The following KSR2 variants were observed in gnomAD, a reference collection of about 807,000 sequenced individuals.
KSR2 encodes kinase suppressor of ras 2.
A neutral mutation model predicts 107.8 loss-of-function variants in KSR2; 25 were observed. The observed-to-expected ratio is 0.23, with a 90% CI of 0.17 to 0.32. KSR2 has a LOEUF of 0.32. KSR2 is among the 10% of genes least tolerant of loss of function. The pLI is 1.00. For missense variants in KSR2, 887 were observed against 1,268.9 expected, an observed-to-expected ratio of 0.70 and a Z score of 4.57; for synonymous variants, 480 against 507.0, an observed-to-expected ratio of 0.95 and a Z score of 0.71.
chr12:117,808,562 T>G (rs4767628), intron 3 of KSR2, among the ~76,000 whole-genome samples: 12,159 of 152,206 alleles, frequency 0.08, 657 homozygotes, highest in Non-Finnish European at 0.12. Context: ...CAGGGCCTGG[T>G]CCGCAGCTGG....
At position 117,747,877 on chromosome 12, in the gene KSR2, A is replaced by G. The variant is rs754990054; in HGVS notation, c.986+13134T>C. Among the ~76,000 whole-genome samples, 69 of 152,238 alleles carry G rather than the reference A, an allele frequency of 4.5e-4. 1 individual carries two copies. Among genetic ancestry groups the G allele is most frequent in the Non-Finnish European group, 8.8e-4 (60 of 68,044 alleles). ...GGGAATGTAAATTAGTACAGCCATT[A>G]TGGAAAACAGTGTGGAGGTTCCACA... On this transcript the variant is annotated intron_variant, in intron 4 of 19. Coordinates refer to ENST00000339824, the MANE Select transcript of KSR2 (RefSeq NM_173598.6).
chr12:117,731,840 G>A lies in KSR2; in HGVS notation c.986+29171C>T, dbSNP rs540803313. On this transcript the variant is annotated intron_variant, in intron 4 of 19. Transcript: ENST00000339824. ...TTAAACAGATGCTTGAAGGCAGCAT[G>A]CTCCTTAAGAGTCATCACCAATCCC... Among the ~76,000 whole-genome samples, 312 of 146,916 alleles carry A rather than the reference G, an allele frequency of 2.1e-3. 3 individuals carry two copies. Among genetic ancestry groups the A allele is most frequent in the African/African-American group, 6.1e-3 (249 of 40,736 alleles).
intron 1 of KSR2, among the ~76,000 whole-genome samples, chr12:117,950,183 G>C (rs553198324): frequency 1.3e-5 from 2 of 151,736 alleles, no homozygotes; most frequent in Non-Finnish European, 2.9e-5. Flanking sequence ...CATGTTGCCC[G>C]GGGTGGTCTC....
At chr12:117,871,692 A>G (rs575927931) in intron 1 of KSR2, among the ~76,000 whole-genome samples, 9 of 124,474 alleles carry the variant, frequency 7.2e-5, no homozygotes, top group African/African-American at 2.6e-4. Context: ...TTATACAGAT[A>G]GATAGATATA....
chr12:117,836,933 G>A (rs997438353), intron 3 of KSR2, among the ~76,000 whole-genome samples: 3 of 152,194 alleles, frequency 2.0e-5, no homozygotes, highest in Admixed American at 6.5e-5. Flanking sequence ...TTTTTCTGTC[G>A]CTTCGGAGCT....
intron 5 of KSR2, among the ~76,000 whole-genome samples, chr12:117,647,444 G>A (rs1883701471): frequency 1.3e-5 from 2 of 152,276 alleles, no homozygotes; most frequent in South Asian, 2.1e-4. Context: ...TGTGTGCCAG[G>A]AGCCAGCACG....
At chr12:117,520,261 C>T (rs1874661470) in intron 14 of KSR2, among the ~76,000 whole-genome samples, 1 of 152,176 alleles carries the variant, frequency 6.6e-6, no homozygotes, top group Non-Finnish European at 1.5e-5. Context: ...AAAATAGGCA[C>T]AAGGATAAAT....
At chr12:117,602,692 T>C (rs1452241169) in intron 5 of KSR2, among the ~76,000 whole-genome samples, 1 of 152,262 alleles carries the variant, frequency 6.6e-6, no homozygotes, top group African/African-American at 2.4e-5. Context: ...TTTGCTATTA[T>C]GAATATGCTC....
intron 4 of KSR2, among the ~76,000 whole-genome samples, chr12:117,710,705 A>G (rs548000628): frequency 6.6e-6 from 1 of 152,212 alleles, no homozygotes; most frequent in East Asian, 1.9e-4. Flanking sequence ...AAGCTATATA[A>G]AGCTTTTAGC....
intron 3 of KSR2, among the ~76,000 whole-genome samples, chr12:117,772,239 CAA>C: frequency 5.6e-5 from 6 of 107,630 alleles, no homozygotes; most frequent in African/African-American, 2.4e-4. Context: ...CCCAGACGCA[CAA>C]ACACTCACAC....
chr12:117,587,374 G>C (rs769670757), intron 5 of KSR2, among the ~76,000 whole-genome samples: 2 of 152,118 alleles, frequency 1.3e-5, no homozygotes, highest in Non-Finnish European at 2.9e-5. Context: ...AATGAAAGCC[G>C]AGGTCAGAGG....
At chr12:117,502,409 A>G (rs927777770) in intron 14 of KSR2, among the ~76,000 whole-genome samples, 3 of 152,094 alleles carry the variant, frequency 2.0e-5, no homozygotes, top group Admixed American at 1.3e-4. Context: ...CTGGGTCTGC[A>G]TTTTCCCTGG....
intron 1 of KSR2, among the ~76,000 whole-genome samples, chr12:117,960,947 G>A (rs118033122): frequency 1.9e-3 from 281 of 151,820 alleles, no homozygotes; most frequent in Non-Finnish European, 2.9e-3. Context: ...CTATAGGCAC[G>A]TGCCACCACA....
At chr12:117,600,533 G>A (rs1315886061) in intron 5 of KSR2, among the ~76,000 whole-genome samples, 1 of 152,120 alleles carries the variant, frequency 6.6e-6, no homozygotes, top group African/African-American at 2.4e-5. Context: ...TGTTCAATGT[G>A]ATCATTCTCG....
intron 7 of KSR2, among the ~76,000 whole-genome samples, chr12:117,566,962 C>G (rs1263499295): frequency 6.6e-6 from 1 of 151,648 alleles, no homozygotes; most frequent in Non-Finnish European, 1.5e-5. Flanking sequence ...ACCGCTCTCT[C>G]TGCAGAGGTC....
At chr12:117,937,776 T>C (rs866875131) in intron 1 of KSR2, among the ~76,000 whole-genome samples, 1 of 145,056 alleles carries the variant, frequency 6.9e-6, no homozygotes, top group Non-Finnish European at 1.5e-5. Flanking sequence ...CTGGGCAACA[T>C]GGAGAAACCC....
chr12:117,844,603 A>C (rs556621604), intron 3 of KSR2, among the ~76,000 whole-genome samples: 1 of 152,102 alleles, frequency 6.6e-6, no homozygotes, highest in Admixed American at 6.6e-5. Flanking sequence ...CCAAATTTCC[A>C]CCACATATTT....
chr12:117,599,898 A>G (rs1489032896), intron 5 of KSR2, among the ~76,000 whole-genome samples: 2 of 152,188 alleles, frequency 1.3e-5, no homozygotes, highest in East Asian at 3.9e-4. Context: ...GAACAAGGAA[A>G]TATCACAAAA....
intron 14 of KSR2, among the ~76,000 whole-genome samples, chr12:117,500,693 C>G (rs1046562883): frequency 2.6e-5 from 4 of 152,244 alleles, no homozygotes; most frequent in African/African-American, 9.6e-5. Context: ...AAGCCTTGTA[C>G]TCATTCTACC....
Sources: allele counts gnomAD v4.1 joint callset (sites outside exome capture counted in the v4.1 genomes callset), GRCh38; gene constraint gnomAD v4.1.1; transcripts MANE v1.5; gene names NCBI Gene and HGNC (gene_info 2026-07-23, HGNC 2026-07-21).